Variants in SCHIP1 observed in about 807,000 individuals in gnomAD.
The protein encoded by SCHIP1 is schwannomin-interacting protein 1.
Under a neutral mutation model 29.7 loss-of-function variants are expected in SCHIP1, and 8 were observed. That is an observed-to-expected ratio of 0.27 (90% CI 0.16 to 0.49). The LOEUF (loss-of-function observed/expected upper bound fraction) is 0.49, where lower values mean the gene tolerates loss of function less well. SCHIP1 is among the 20% of genes least tolerant of loss of function. The pLI, the probability that SCHIP1 is intolerant of heterozygous loss-of-function variation, is 0.99. For missense variants in SCHIP1, 193 were observed against 294.6 expected, an observed-to-expected ratio of 0.66 and a Z score of 2.52; for synonymous variants, 76 against 94.9, an observed-to-expected ratio of 0.80 and a Z score of 1.16.
At chr3:159,872,403 G>A (rs966134710) in intron 2 of SCHIP1, among the ~76,000 whole-genome samples, 1 of 151,958 alleles carries the variant, frequency 6.6e-6, no homozygotes, top group Admixed American at 6.6e-5. Context: ...TTCCATGCCT[G>A]CCCTTTGGTA....
At chr3:159,518,615 A>G in the SCHIP1 span, among the ~76,000 whole-genome samples, 1 of 152,098 alleles carries the variant, frequency 6.6e-6, no homozygotes, top group African/African-American at 2.4e-5. Flanking sequence ...TCTACTCATT[A>G]AGGACACTTT....
intron 2 of SCHIP1, among the ~76,000 whole-genome samples, chr3:159,870,213 T>G (rs1261590346): frequency 6.6e-6 from 1 of 152,014 alleles, no homozygotes; most frequent in Non-Finnish European, 1.5e-5. Flanking sequence ...TCTCATGCTT[T>G]TGGTTTCTTT....
the SCHIP1 span, among the ~76,000 whole-genome samples, chr3:159,329,622 A>G: frequency 3.8e-3 from 581 of 152,298 alleles, 6 homozygotes; most frequent in Middle Eastern, 0.02. Flanking sequence ...TAGATTTCCT[A>G]TTTATCGACA....
At chr3:159,494,454 C>T in the SCHIP1 span, among the ~76,000 whole-genome samples, 1 of 152,072 alleles carries the variant, frequency 6.6e-6, no homozygotes, top group Admixed American at 6.5e-5. Flanking sequence ...TACAAACTAC[C>T]ATCAGAGAAT....
the SCHIP1 span, among the ~76,000 whole-genome samples, chr3:159,798,227 T>C: frequency 6.6e-6 from 1 of 152,168 alleles, no homozygotes; most frequent in South Asian, 2.1e-4. Flanking sequence ...GTTTTGGAAA[T>C]AGCTGGACTG....
At chr3:159,369,412 G>A in the SCHIP1 span, among the ~76,000 whole-genome samples, 1 of 152,022 alleles carries the variant, frequency 6.6e-6, no homozygotes, top group Admixed American at 6.6e-5. Flanking sequence ...TTTGTCAGCT[G>A]TATAAGTGAG....
At chr3:159,480,444 T>A in the SCHIP1 span, among the ~76,000 whole-genome samples, 1 of 152,158 alleles carries the variant, frequency 6.6e-6, no homozygotes, top group East Asian at 1.9e-4. Context: ...TCTAGGTTGA[T>A]GTCAATTTGA....
the SCHIP1 span, among the ~76,000 whole-genome samples, chr3:159,758,373 G>A: frequency 2.6e-5 from 4 of 152,068 alleles, no homozygotes; most frequent in South Asian, 6.2e-4. Context: ...GGCTGGTCTC[G>A]AACTCCTGAC....
At chr3:159,419,887 A>G in the SCHIP1 span, among the ~76,000 whole-genome samples, 1 of 152,232 alleles carries the variant, frequency 6.6e-6, no homozygotes, top group African/African-American at 2.4e-5. Flanking sequence ...TTGCCTGTGC[A>G]TGCAAAAACT....
At chr3:159,457,998 T>G in the SCHIP1 span, among the ~76,000 whole-genome samples, 1 of 152,116 alleles carries the variant, frequency 6.6e-6, no homozygotes, top group Non-Finnish European at 1.5e-5. Flanking sequence ...TTGGCAAAAA[T>G]ATATTAAACC....
chr3:159,441,860 T>A, the SCHIP1 span, among the ~76,000 whole-genome samples: 5 of 151,328 alleles, frequency 3.3e-5, no homozygotes, highest in African/African-American at 4.8e-5. Flanking sequence ...TTATTATTAC[T>A]ATTATTATTA....
chr3:159,774,852 T>C, the SCHIP1 span, among the ~76,000 whole-genome samples: 1 of 152,276 alleles, frequency 6.6e-6, no homozygotes, highest in Non-Finnish European at 1.5e-5. Flanking sequence ...TACATTTTAC[T>C]GATGCCTCTG....
the SCHIP1 span, among the ~76,000 whole-genome samples, chr3:159,560,682 T>A: frequency 6.6e-6 from 1 of 151,262 alleles, no homozygotes; most frequent in Admixed American, 6.6e-5. Flanking sequence ...CCTTCCATTC[T>A]CCCCCATCAC....
chr3:159,334,815 G>A, the SCHIP1 span, among the ~76,000 whole-genome samples: 1 of 151,700 alleles, frequency 6.6e-6, no homozygotes. Flanking sequence ...TATTTTAGTT[G>A]TTTCCAGCAT....
At chr3:159,280,436 A>G in the SCHIP1 span, among the ~76,000 whole-genome samples, 1 of 152,080 alleles carries the variant, frequency 6.6e-6, no homozygotes, top group African/African-American at 2.4e-5. Flanking sequence ...TTTAATCTAG[A>G]CCTGGGACCT....
chr3:159,436,519 T>C, the SCHIP1 span, among the ~76,000 whole-genome samples: 2 of 152,168 alleles, frequency 1.3e-5, no homozygotes, highest in Non-Finnish European at 2.9e-5. Flanking sequence ...CTTTGTACCT[T>C]TTCTTGGCTG....
the SCHIP1 span, among the ~76,000 whole-genome samples, chr3:159,334,291 G>A: frequency 6.6e-6 from 1 of 152,108 alleles, no homozygotes; most frequent in Non-Finnish European, 1.5e-5. Flanking sequence ...CAAGGGAGAG[G>A]CGATGAAGAT....
the SCHIP1 span, among the ~76,000 whole-genome samples, chr3:159,648,479 T>A: frequency 6.6e-6 from 1 of 152,192 alleles, no homozygotes; most frequent in Non-Finnish European, 1.5e-5. Flanking sequence ...AGCAAAATAC[T>A]GCCTGGAATA....
the SCHIP1 span, among the ~76,000 whole-genome samples, chr3:159,776,886 G>A: frequency 1.3e-5 from 2 of 152,204 alleles, no homozygotes; most frequent in South Asian, 2.1e-4. Context: ...TGGTAAACGC[G>A]GATGCTTCCA....
Sources: gnomAD v4.1 joint callset for allele counts (sites outside exome capture counted in the v4.1 genomes callset) on GRCh38, gnomAD v4.1.1 for gene constraint, MANE v1.5 for transcripts, NCBI Gene and HGNC (gene_info 2026-07-23, HGNC 2026-07-21) for gene names.